The following TPH2 variants were observed in gnomAD, a reference collection of about 807,000 sequenced individuals.
TPH2 encodes the protein tryptophan hydroxylase 2, also known as tryptophan 5-hydroxylase 2.
In TPH2, 27 loss-of-function variants were observed where a neutral mutation model predicts 59.1. The observed-to-expected ratio is 0.46, with a 90% confidence interval of 0.34 to 0.63. TPH2 has a LOEUF of 0.63. Ranked by LOEUF, TPH2 falls within the 30% of genes least tolerant of loss-of-function variation. The pLI, the probability that TPH2 is intolerant of heterozygous loss-of-function variation, is 0.01. For missense variants in TPH2, 523 were observed against 588.3 expected (o/e 0.89, Z 1.15); for synonymous variants, 220 against 210.5 (o/e 1.05, Z -0.39).
intron 8 of TPH2, among the ~76,000 whole-genome samples, chr12:72,014,081 A>G (rs1032781509): frequency 3.3e-5 from 5 of 152,190 alleles, no homozygotes; most frequent in African/African-American, 1.2e-4. Context: ...CTTGGAATTT[A>G]TATGATGACT....
intron 9 of TPH2, among the ~76,000 whole-genome samples, chr12:72,025,651 C>G (rs1340725325): frequency 6.6e-6 from 1 of 152,194 alleles, no homozygotes; most frequent in Non-Finnish European, 1.5e-5. Flanking sequence ...TTCTAATGAT[C>G]TGTTCTGTGG....
chr12:71,949,851 C>A (rs1871296760), intron 5 of TPH2, among the ~76,000 whole-genome samples, 196 bp downstream of exon 5: 1 of 152,124 alleles, frequency 6.6e-6, no homozygotes, highest in Non-Finnish European at 1.5e-5. Context: ...AATAATGAGA[C>A]CTGTGAGCCA....
chr12:72,003,786 T>C (rs998824092), intron 8 of TPH2, among the ~76,000 whole-genome samples: 2 of 152,220 alleles, frequency 1.3e-5, no homozygotes, highest in South Asian at 4.1e-4. Flanking sequence ...TTGCCCACTA[T>C]GTTCAGAAAC....
At chr12:72,030,367 C>G (rs1592420036) in intron 9 of TPH2, among the ~76,000 whole-genome samples, 1 of 152,072 alleles carries the variant, frequency 6.6e-6, no homozygotes, top group Non-Finnish European at 1.5e-5. Flanking sequence ...TTCATAAGCT[C>G]CTCAGTGATT....
In TPH2 at chr12:71,992,961, G is replaced by A. The variant is rs566256015; in HGVS notation, c.942-1478G>A. Among the ~76,000 whole-genome samples, 7 of 152,278 alleles carry A rather than the reference G, an allele frequency of 4.6e-5. No individual in the cohort carries two copies. In the East Asian group the frequency reaches 7.7e-4, roughly 17 times the overall value. On this transcript the variant is annotated intron_variant, in intron 7 of 10. Coordinates refer to ENST00000333850, the MANE Select transcript of TPH2 (RefSeq NM_173353.4). The stretch of plus-strand genomic sequence containing the variant: ...AATGTGATTGAAGAATAACCACCTC[G>A]TATGCCTTTTGTTTTAAAAAACAAA...
At chr12:71,952,456 T>C (rs1326084776) in intron 5 of TPH2, among the ~76,000 whole-genome samples, 3 of 152,146 alleles carry the variant, frequency 2.0e-5, no homozygotes, top group Non-Finnish European at 2.9e-5. Flanking sequence ...TTCATCATTT[T>C]ATAGTGAGAA....
chr12:72,014,691 C>T (rs1873193488), intron 8 of TPH2, among the ~76,000 whole-genome samples: 1 of 152,022 alleles, frequency 6.6e-6, no homozygotes, highest in Admixed American at 6.6e-5. Flanking sequence ...GTGCCCGGCC[C>T]AGAAAAATTT....
chr12:71,987,688 A>T (rs1021910884), intron 7 of TPH2, among the ~76,000 whole-genome samples: 7 of 152,110 alleles, frequency 4.6e-5, no homozygotes, highest in Admixed American at 4.6e-4. Context: ...CGTCTCTACT[A>T]AAAATACAAA....
rs115508079 is a variant in TPH2 at position 71,990,781 on chromosome 12, G to A, written c.942-3658G>A. Among the ~76,000 whole-genome samples, 1,193 of 152,324 alleles carry A rather than the reference G, an allele frequency of 7.8e-3. 18 individuals are homozygous for A. Among genetic ancestry groups the A allele is most frequent in the African/African-American group, 0.027 (1,133 of 41,574 alleles). On this transcript the variant is annotated intron_variant, in intron 7 of 10. Transcript: ENST00000333850. ...CATGCTATGTCCACACTTTGTTCAG[G>A]AATCTGAAGGGAAGTTCTTTCTCAG...
intron 8 of TPH2, among the ~76,000 whole-genome samples, chr12:72,017,311 G>A (rs1356541495): frequency 6.6e-6 from 1 of 152,152 alleles, no homozygotes; most frequent in Non-Finnish European, 1.5e-5. Flanking sequence ...TGCAGCTCGG[G>A]TCGACAGCGT....
At chr12:71,990,747 G>C (rs1872562549) in intron 7 of TPH2, among the ~76,000 whole-genome samples, 1 of 152,106 alleles carries the variant, frequency 6.6e-6, no homozygotes, top group Non-Finnish European at 1.5e-5. Flanking sequence ...TAAAGCCTTG[G>C]CCCCATGACA....
Position 72,031,721 on chromosome 12 carries a change from A to C in TPH2, c.*26A>C, listed in dbSNP as rs755929582. The stretch of plus-strand genomic sequence containing the variant: ...TGCCTGGAACTATGTTGTTGCCAGC[A>C]TGATCTTTTTGGGGCTTAGCAGCAG... On this transcript the variant is annotated 3_prime_UTR_variant, in exon 11 of 11. Coordinates refer to ENST00000333850, the MANE Select transcript of TPH2 (RefSeq NM_173353.4). The C allele has an allele frequency of 6.2e-7, 1 of 1,612,982 alleles. No homozygotes were observed. The highest frequency in any genetic ancestry group is 8.5e-7 in the Non-Finnish European group (1 of 1,179,116).
intron 7 of TPH2, among the ~76,000 whole-genome samples, chr12:71,989,908 A>G (rs576583038): frequency 4.0e-5 from 6 of 151,454 alleles, no homozygotes; most frequent in South Asian, 2.1e-4. Flanking sequence ...GAAGATTCCA[A>G]TTTAGAGCAG....
chr12:71,972,757 C>T (rs1226574817), intron 6 of TPH2, 42 bp downstream of exon 6: 1 of 1,580,902 alleles, frequency 6.3e-7, no homozygotes, highest in South Asian at 1.1e-5. Context: ...TCAATATCCT[C>T]AATTGCCTTC....
chr12:72,026,806 G>A lies in TPH2; in HGVS notation c.1164+4312G>A, dbSNP rs1008089170. Among the ~76,000 whole-genome samples the A allele has an allele frequency of 2.0e-5, 3 of 152,326 alleles. No individual in the cohort carries two copies. The South Asian group carries it at 6.2e-4, about 32-fold the overall frequency. Reference sequence around the variant, plus strand: ...AGCCTAATCGCTAATTTAAAAAAGTGTAATGCATCATTGCCTAATTTGGCA... The same window carrying A: ...AGCCTAATCGCTAATTTAAAAAAGTATAATGCATCATTGCCTAATTTGGCA... On this transcript the variant is annotated intron_variant, in intron 9 of 10. Transcript: ENST00000333850.
chr12:71,941,782 G>A (rs765488990), intron 2 of TPH2, 49 bp downstream of exon 2: 1 of 1,560,270 alleles, frequency 6.4e-7, no homozygotes, highest in Non-Finnish European at 8.8e-7. Context: ...CGTGTGCCTG[G>A]GTACAAACCT....
At chr12:71,985,743 A>G (rs1228011069) in intron 7 of TPH2, among the ~76,000 whole-genome samples, 1 of 152,174 alleles carries the variant, frequency 6.6e-6, no homozygotes, top group African/African-American at 2.4e-5. Flanking sequence ...CTGATTTGCT[A>G]GAACCCTAAA....
In TPH2 at chr12:71,939,365, T is replaced by C. The variant is rs535972550; in HGVS notation, c.105+274T>C. ...GTTCCTGAACATTAAGAATGAGAGATTGTATGAATCAATGTCTTAAATCTA... is the reference window on the plus strand; with the variant it reads ...GTTCCTGAACATTAAGAATGAGAGACTGTATGAATCAATGTCTTAAATCTA... On this transcript the variant is annotated intron_variant, in intron 1 of 10. Transcript: ENST00000333850. Among the ~76,000 whole-genome samples the C allele has an allele frequency of 4.1e-4, 60 of 146,236 alleles. 1 individual carries two copies. The highest frequency in any genetic ancestry group is 3.7e-3 in the Admixed American group (54 of 14,484).
intron 9 of TPH2, among the ~76,000 whole-genome samples, chr12:72,027,747 C>A (rs574625740): frequency 6.6e-6 from 1 of 152,166 alleles, no homozygotes; most frequent in South Asian, 2.1e-4. Flanking sequence ...TGGTAGTAGC[C>A]GCCTCTGTGG....
Sources: allele counts gnomAD v4.1 joint callset (sites outside exome capture counted in the v4.1 genomes callset), GRCh38; gene constraint gnomAD v4.1.1; transcripts MANE v1.5; gene names NCBI Gene and HGNC (gene_info 2026-07-23, HGNC 2026-07-21).